Variants in FRMD3 observed in about 807,000 individuals in gnomAD.
FRMD3 encodes the protein FERM domain containing 3, also known as FERM domain-containing protein 3.
In FRMD3, 33 loss-of-function variants were observed where a neutral mutation model predicts 70.2. The observed-to-expected ratio is 0.47, with a 90% CI of 0.36 to 0.63. The LOEUF (loss-of-function observed/expected upper bound fraction) is 0.63. Ranked by LOEUF, FRMD3 falls within the 20% of genes least tolerant of loss-of-function variation. FRMD3 has a pLI of 0.00. For missense variants in FRMD3, 632 were observed against 711.4 expected, an observed-to-expected ratio of 0.89 and a Z score of 1.27; for synonymous variants, 279 against 255.9, an observed-to-expected ratio of 1.09 and a Z score of -0.86.
At chr9:83,335,409 T>C (rs1222194273) in intron 6 of FRMD3, 107 bp downstream of exon 6, 10 of 1,204,660 alleles carry the variant, frequency 8.3e-6, no homozygotes, top group Non-Finnish European at 1.2e-5. Flanking sequence ...AAACAGCCTA[T>C]CCATACATTA....
At chr9:83,353,631 C>T (rs1316527130) in intron 3 of FRMD3, among the ~76,000 whole-genome samples, 1 of 152,190 alleles carries the variant, frequency 6.6e-6, no homozygotes, top group East Asian at 1.9e-4. Context: ...TCACATTCAT[C>T]CCTTGGTCCC....
intron 1 of FRMD3, among the ~76,000 whole-genome samples, chr9:83,483,773 T>A (rs571819928): frequency 6.6e-6 from 1 of 152,050 alleles, no homozygotes; most frequent in African/African-American, 2.4e-5. Context: ...GGTGGGAGGA[T>A]CACTTGAGCC....
intron 1 of FRMD3, among the ~76,000 whole-genome samples, chr9:83,484,441 A>G (rs1419474003): frequency 7.2e-5 from 11 of 152,148 alleles, no homozygotes; most frequent in African/African-American, 2.7e-4. Flanking sequence ...TGTGTGTGGC[A>G]GGGTCTCACT....
intron 1 of FRMD3, among the ~76,000 whole-genome samples, chr9:83,524,097 T>C (rs185857641): frequency 1.4e-4 from 21 of 152,390 alleles, no homozygotes; most frequent in African/African-American, 1.4e-4. Flanking sequence ...TAGTAATACA[T>C]TGTTTTCCTA....
At chr9:83,581,365 A>G in the FRMD3 span, among the ~76,000 whole-genome samples, 3 of 152,212 alleles carry the variant, frequency 2.0e-5, no homozygotes, top group Non-Finnish European at 2.9e-5. Flanking sequence ...ACATGAAGAG[A>G]TGCTCAACTT....
At chr9:83,471,630 A>C (rs1343230222) in intron 1 of FRMD3, among the ~76,000 whole-genome samples, 1 of 152,228 alleles carries the variant, frequency 6.6e-6, no homozygotes, top group East Asian at 1.9e-4. Flanking sequence ...TCTCCCTGGA[A>C]AAGGGCTAAA....
chr9:83,562,766 T>G, the FRMD3 span, among the ~76,000 whole-genome samples: 3 of 152,216 alleles, frequency 2.0e-5, no homozygotes, highest in African/African-American at 7.2e-5. Context: ...CTTGCAATAC[T>G]AATAGAATTA....
chr9:83,411,217 TG>T (rs1456580073), intron 1 of FRMD3, among the ~76,000 whole-genome samples: 1 of 152,214 alleles, frequency 6.6e-6, no homozygotes, highest in African/African-American at 2.4e-5. Flanking sequence ...GTAGATAAGT[TG>T]GGGCTAACTA....
At chr9:83,555,105 G>C in the FRMD3 span, among the ~76,000 whole-genome samples, 10 of 152,274 alleles carry the variant, frequency 6.6e-5, no homozygotes, top group South Asian at 4.1e-4. Context: ...AATGAGATTA[G>C]GACCCACTTA....
chr9:83,525,539 A>G (rs1829667613), intron 1 of FRMD3, among the ~76,000 whole-genome samples: 1 of 152,216 alleles, frequency 6.6e-6, no homozygotes, highest in Admixed American at 6.5e-5. Flanking sequence ...CTCATATAAC[A>G]TGTTTAATTT....
chr9:83,448,984 C>G (rs1827561955), intron 1 of FRMD3, among the ~76,000 whole-genome samples: 1 of 152,140 alleles, frequency 6.6e-6, no homozygotes, highest in South Asian at 2.1e-4. Context: ...GGGGTCTTAT[C>G]TGTATGAAAC....
chr9:83,513,503 T>C (rs1231648704), intron 1 of FRMD3, among the ~76,000 whole-genome samples: 2 of 152,262 alleles, frequency 1.3e-5, no homozygotes, highest in Non-Finnish European at 1.5e-5. Context: ...TTAAAAGGTA[T>C]GGTTAACTTA....
At chr9:83,469,623 C>T (rs17086295) in intron 1 of FRMD3, among the ~76,000 whole-genome samples, 23,901 of 152,030 alleles carry the variant, frequency 0.16, 1,915 homozygotes, top group East Asian at 0.2. Flanking sequence ...ATGTATGAAC[C>T]ACCTCATGGA....
chr9:83,391,715 G>T (rs1397482039), intron 1 of FRMD3, among the ~76,000 whole-genome samples: 1 of 152,178 alleles, frequency 6.6e-6, no homozygotes, highest in African/African-American at 2.4e-5. Context: ...AAATGCTGCT[G>T]CAGACAACGC....
chr9:83,357,240 TACATACATATATATATATATATA>T (rs1824397577), intron 3 of FRMD3, among the ~76,000 whole-genome samples: 1 of 7,572 alleles, frequency 1.3e-4, no homozygotes, highest in Admixed American at 2.3e-3. Flanking sequence ...ATATATATAA[TACATACATATATATATATATATA>T]TATATATATA....
the FRMD3 span, among the ~76,000 whole-genome samples, chr9:83,557,188 A>C: frequency 1.3e-5 from 2 of 152,332 alleles, no homozygotes; most frequent in East Asian, 1.9e-4. Context: ...TTATCTGCTG[A>C]TAAGTCTTCT....
chr9:83,369,680 T>C (rs1390477758), intron 3 of FRMD3, among the ~76,000 whole-genome samples: 1 of 151,782 alleles, frequency 6.6e-6, no homozygotes, highest in African/African-American at 2.4e-5. Flanking sequence ...CAATCATCAA[T>C]TATGGATATT....
chr9:83,562,986 G>GAAA, the FRMD3 span, among the ~76,000 whole-genome samples: 1 of 123,146 alleles, frequency 8.1e-6, no homozygotes, highest in Admixed American at 8.3e-5. Flanking sequence ...GTGATTAAAT[G>GAAA]AAAAAAAAAA....
intron 13 of FRMD3, among the ~76,000 whole-genome samples, chr9:83,285,008 T>C (rs114266286): frequency 0.012 from 1,750 of 152,136 alleles, 27 homozygotes; most frequent in African/African-American, 0.04. Context: ...GGAGGGTGGG[T>C]GGGACCAAGA....
Sources: gnomAD v4.1 joint callset for allele counts (sites outside exome capture counted in the v4.1 genomes callset) on GRCh38, gnomAD v4.1.1 for gene constraint, MANE v1.5 for transcripts, NCBI Gene and HGNC (gene_info 2026-07-23, HGNC 2026-07-21) for gene names.